Variants in PRKCQ observed in about 807,000 individuals in gnomAD.
The protein encoded by PRKCQ is protein kinase C theta.
A neutral mutation model predicts 91.2 loss-of-function variants in PRKCQ; 41 were observed. The ratio of observed to expected loss-of-function variants is 0.45; its 90% confidence interval spans 0.35 to 0.58. PRKCQ has a LOEUF of 0.58. Ranked by LOEUF, PRKCQ falls within the 20% of genes least tolerant of loss-of-function variation. PRKCQ has a pLI of 0.00. For missense variants in PRKCQ, 673 were observed against 896.5 expected, an observed-to-expected ratio of 0.75 and a Z score of 3.18; for synonymous variants, 307 against 316.9, an observed-to-expected ratio of 0.97 and a Z score of 0.33.
Position 6,427,888 on chromosome 10 carries a change from A to ATAAT in PRKCQ, c.*315_*318dup, listed in dbSNP as rs1337402833. ...GCAGTTGGCGCCCAGGTGAAGAGCC[A>ATAAT]TAATTTATTGCAGTATCAAGTCTTG... On this transcript the variant is annotated 3_prime_UTR_variant, in exon 18 of 18. Coordinates refer to ENST00000263125, the MANE Select transcript of PRKCQ (RefSeq NM_006257.5). 4 of 291,728 alleles carry ATAAT rather than the reference A, an allele frequency of 1.4e-5. No individual in the cohort carries two copies. Among genetic ancestry groups the ATAAT allele is most frequent in the Non-Finnish European group, 2.0e-5 (3 of 152,636 alleles). 18.1% of individuals were successfully genotyped at this position (291,728 alleles called of 1,614,324 possible).
intron 1 of PRKCQ, among the ~76,000 whole-genome samples, 181 bp downstream of exon 1, chr10:6,580,030 G>T (rs950940993): frequency 6.6e-6 from 1 of 152,090 alleles, no homozygotes; most frequent in Non-Finnish European, 1.5e-5. Context: ...ACCCAGCGGG[G>T]AAATTCTTCC....
chr10:6,498,308 C>A (rs1837725880), intron 5 of PRKCQ, 88 bp downstream of exon 5: 11 of 1,500,750 alleles, frequency 7.3e-6, no homozygotes, highest in South Asian at 2.4e-5. Context: ...GCACACCCCC[C>A]ACAGTGGAGC....
At chr10:6,508,132 T>C (rs940558559) in intron 3 of PRKCQ, among the ~76,000 whole-genome samples, 3 of 152,250 alleles carry the variant, frequency 2.0e-5, no homozygotes, top group African/African-American at 7.2e-5. Flanking sequence ...TATTATTATG[T>C]AGAAGAGGGC....
chr10:6,467,492 T>C (rs970861536), intron 12 of PRKCQ, among the ~76,000 whole-genome samples: 1 of 151,650 alleles, frequency 6.6e-6, no homozygotes, highest in Non-Finnish European at 1.5e-5. Flanking sequence ...TAAATGTCAC[T>C]TACTAGTCTA....
Position 6,471,950 on chromosome 10 carries a change from C to A in PRKCQ, c.1353+7042G>T, listed in dbSNP as rs1334749290. On this transcript the variant is annotated intron_variant, in intron 12 of 17. Transcript: ENST00000263125. ...CAAAGGAATGGGCAGATAATATGGG[C>A]CATGAGCCTGGAAGAATATTACAGA... is the stretch of plus-strand genomic sequence containing the variant. Among the ~76,000 whole-genome samples the A allele has an allele frequency of 2.0e-5, 3 of 152,256 alleles. No homozygotes were observed. In the East Asian group the frequency reaches 5.8e-4, roughly 29 times the overall value.
chr10:6,512,063 CATAG>C (rs1838504769), intron 2 of PRKCQ: 1 of 152,222 alleles, frequency 6.6e-6, no homozygotes, highest in South Asian at 2.1e-4. Flanking sequence ...CCAGCTTAAA[CATAG>C]TCAATACAAA....
intron 12 of PRKCQ, among the ~76,000 whole-genome samples, chr10:6,467,395 G>GAGACAGAC (rs1835738010): frequency 1.7e-5 from 1 of 58,446 alleles, no homozygotes; most frequent in Non-Finnish European, 4.2e-5. Flanking sequence ...CAGACAGAGA[G>GAGACAGAC]AGAGAGAGAG....
intron 15 of PRKCQ, among the ~76,000 whole-genome samples, chr10:6,446,111 G>A (rs999177575): frequency 3.3e-5 from 5 of 152,194 alleles, no homozygotes; most frequent in African/African-American, 1.2e-4. Flanking sequence ...TGTGTTAGGA[G>A]TTTTGCAGAC....
intron 1 of PRKCQ, among the ~76,000 whole-genome samples, chr10:6,577,560 C>T (rs968911310): frequency 4.6e-5 from 7 of 152,256 alleles, no homozygotes; most frequent in African/African-American, 1.7e-4. Context: ...CATACACACA[C>T]ACACGGAATC....
intron 7 of PRKCQ, among the ~76,000 whole-genome samples, chr10:6,493,364 A>G (rs1315710305): frequency 6.6e-6 from 1 of 152,254 alleles, no homozygotes; most frequent in African/African-American, 2.4e-5. Context: ...ATGTATTATT[A>G]AAATTAATTT....
chr10:6,561,374 A>T (rs1423029830), intron 1 of PRKCQ, among the ~76,000 whole-genome samples: 2 of 30,840 alleles, frequency 6.5e-5, no homozygotes, highest in Non-Finnish European at 6.7e-5. Flanking sequence ...TGTCTCAAAA[A>T]AAAAAAAAAA....
chr10:6,397,701 G>A, the PRKCQ span, among the ~76,000 whole-genome samples: 1 of 152,152 alleles, frequency 6.6e-6, no homozygotes, highest in African/African-American at 2.4e-5. Context: ...AAGGTGGGTG[G>A]ATCACCTGAG....
intron 8 of PRKCQ, among the ~76,000 whole-genome samples, chr10:6,491,403 C>T (rs1005316077): frequency 1.3e-5 from 2 of 152,168 alleles, no homozygotes; most frequent in African/African-American, 4.8e-5. Context: ...CTTCATTTCC[C>T]CCAGGGCTAT....
intron 8 of PRKCQ, among the ~76,000 whole-genome samples, chr10:6,488,883 C>T (rs1192578050): frequency 6.6e-6 from 1 of 151,972 alleles, no homozygotes; most frequent in Non-Finnish European, 1.5e-5. Flanking sequence ...GGGTTCAAGC[C>T]ATCCTCTTGC....
chr10:6,444,480 T>A (rs532041015), intron 15 of PRKCQ, among the ~76,000 whole-genome samples: 6 of 152,132 alleles, frequency 3.9e-5, no homozygotes, highest in Non-Finnish European at 1.5e-5. Context: ...AAATTTTTTT[T>A]AATGGAAAAG....
intron 8 of PRKCQ, among the ~76,000 whole-genome samples, chr10:6,491,182 T>C (rs977117401): frequency 6.6e-6 from 1 of 152,190 alleles, no homozygotes; most frequent in Non-Finnish European, 1.5e-5. Flanking sequence ...CTCAAGCTAA[T>C]GTTACAGAAT....
intron 1 of PRKCQ, among the ~76,000 whole-genome samples, chr10:6,569,812 G>C (rs1171755461): frequency 6.6e-6 from 1 of 152,136 alleles, no homozygotes; most frequent in Non-Finnish European, 1.5e-5. Flanking sequence ...AGGAGAAAAC[G>C]TGTTGAAAGA....
intron 15 of PRKCQ, among the ~76,000 whole-genome samples, chr10:6,451,443 C>A (rs1276970698): frequency 3.3e-5 from 5 of 152,116 alleles, no homozygotes; most frequent in African/African-American, 1.2e-4. Flanking sequence ...CAATAGCTTA[C>A]CAACCAAAAA....
chr10:6,554,381 G>A (rs1840329629), intron 1 of PRKCQ, among the ~76,000 whole-genome samples: 1 of 141,136 alleles, frequency 7.1e-6, no homozygotes, highest in African/African-American at 2.9e-5. Context: ...TATGTTTGGG[G>A]AAGTGAGACA....
Sources: allele counts gnomAD v4.1 joint callset (sites outside exome capture counted in the v4.1 genomes callset), GRCh38; gene constraint gnomAD v4.1.1; transcripts MANE v1.5; gene names NCBI Gene and HGNC (gene_info 2026-07-23, HGNC 2026-07-21).